The following HERC2 variants were observed in gnomAD, a reference collection of about 807,000 sequenced individuals.
The protein encoded by HERC2 is HECT and RLD domain containing E3 ubiquitin protein ligase 2, also known as E3 ubiquitin-protein ligase HERC2.
A neutral mutation model predicts 537.7 loss-of-function variants in HERC2; 102 were observed. The ratio of observed to expected loss-of-function variants is 0.19; its 90% CI spans 0.16 to 0.22. The LOEUF (loss-of-function observed/expected upper bound fraction) is 0.22, where lower values mean the gene tolerates loss of function less well. Ranked by LOEUF, HERC2 falls within the 10% of genes least tolerant of loss-of-function variation. HERC2 has a pLI of 1.00. For synonymous variants in HERC2, 2,224 were observed against 2,466.2 expected (o/e 0.90, Z 2.91); for missense variants, 4,236 against 6,198.2 (o/e 0.68, Z 10.63).
chr15:28,131,027 G>C (rs1890054021), intron 81 of HERC2, among the ~76,000 whole-genome samples: 1 of 152,140 alleles, frequency 6.6e-6, no homozygotes, highest in South Asian at 2.1e-4. Context: ...AAAGCACTGG[G>C]CCCCACCCAC....
At chr15:28,277,962 T>C (rs1313876152) in intron 5 of HERC2, among the ~76,000 whole-genome samples, 2 of 151,982 alleles carry the variant, frequency 1.3e-5, no homozygotes, top group Non-Finnish European at 2.9e-5. Flanking sequence ...CCAGTATAAT[T>C]TAAATCATCT....
At chr15:28,143,058 T>G in intron 74 of HERC2, 106 bp from the exon 75 acceptor site, 1 of 886,458 alleles carries the variant, frequency 1.1e-6, no homozygotes, top group South Asian at 3.1e-5. Flanking sequence ...CTAACTCTTC[T>G]AAAAAAACTA....
At chr15:28,137,831 TAGTG>T (rs1352428150) in intron 78 of HERC2, among the ~76,000 whole-genome samples, 1 of 152,198 alleles carries the variant, frequency 6.6e-6, no homozygotes, top group Non-Finnish European at 1.5e-5. Context: ...TGATTAAGAT[TAGTG>T]AGTAAGGCAC....
intron 78 of HERC2, among the ~76,000 whole-genome samples, chr15:28,140,058 ACT>A (rs1287684253): frequency 6.6e-6 from 1 of 151,084 alleles, no homozygotes; most frequent in Non-Finnish European, 1.5e-5. Context: ...ACAGAGTGAG[ACT>A]CTGTCTCAAA....
chr15:28,282,971 T>TGGGAC (rs1264513708), intron 4 of HERC2, among the ~76,000 whole-genome samples: 1 of 121,920 alleles, frequency 8.2e-6, no homozygotes, highest in Non-Finnish European at 1.6e-5. Flanking sequence ...CAGGAAGGGA[T>TGGGAC]GGGACGGGAC....
chr15:28,214,679 A>G lies in HERC2; in HGVS notation c.6334T>C (p.Ser2112Pro), dbSNP rs1467188538. The change falls in exon 40 of 93, where the codon TCC becomes CCC. Residue 2112 changes from serine (S) to proline (P), a missense_variant. Coordinates refer to ENST00000261609, the MANE Select transcript of HERC2 (RefSeq NM_004667.6). ...CCTCTGAGTAATGGCACGTCAGAGG[A>G]GCAGGTAGTGAGCAAGCTTCCCAAG... ...DFLGSLLTTC[S>P]SDVPLLREST... 1.2e-6 allele frequency: 2 copies of G among 1,611,900 alleles called. No homozygotes were observed.
Position 28,191,197 on chromosome 15 carries a change from T to A in HERC2, c.8499A>T (p.Leu2833Phe). Residue 2833 changes from leucine to phenylalanine, a missense_variant, in exon 54 of 93, where the codon TTA becomes TTT. Physicochemically the swap from Leu to Phe is conservative, Grantham distance 22. Coordinates refer to ENST00000261609, the MANE Select transcript of HERC2 (RefSeq NM_004667.6). ...EIFPDVLVHR[L>F]KMIVDPADSS... ...TGTCAGCAGGATCTACGATCATTTT[T>A]AATCTATGAACAAGAACATCTGGGA... 6.2e-7 allele frequency: 1 copy of A among 1,613,996 alleles called. No homozygotes were observed. Among genetic ancestry groups the A allele is most frequent in the Non-Finnish European group, 8.5e-7 (1 of 1,179,926 alleles).
intron 2 of HERC2, among the ~76,000 whole-genome samples, chr15:28,318,590 T>A (rs538720545): frequency 1.8e-3 from 269 of 151,186 alleles, no homozygotes; most frequent in African/African-American, 6.4e-3. Context: ...ACCACTGCAC[T>A]CCAGCCTGGG....
At chr15:28,308,794 G>A (rs1162639929) in intron 2 of HERC2, among the ~76,000 whole-genome samples, 1 of 152,180 alleles carries the variant, frequency 6.6e-6, no homozygotes, top group Non-Finnish European at 1.5e-5. Flanking sequence ...TTTCAGCATC[G>A]ATTGAAATAA....
At chr15:28,117,193 G>A (rs372606458) in intron 86 of HERC2, 39 bp from the exon 87 acceptor site, 46 of 1,601,624 alleles carry the variant, frequency 2.9e-5, no homozygotes, top group Admixed American at 1.2e-4. Flanking sequence ...GGCCGCTGCC[G>A]CAGCAGGAAG....
chr15:28,245,427 G>A (rs1437751352), intron 23 of HERC2, among the ~76,000 whole-genome samples: 2 of 151,870 alleles, frequency 1.3e-5, no homozygotes, highest in East Asian at 1.9e-4. Context: ...TGCACCTGTG[G>A]TGCCAGCTAC....
chr15:28,212,149 G>T (rs1302774363), intron 43 of HERC2, among the ~76,000 whole-genome samples: 1 of 152,206 alleles, frequency 6.6e-6, no homozygotes, highest in Admixed American at 6.5e-5. Context: ...GGGATGGAGA[G>T]GAGGAGGGAA....
At position 28,254,516 on chromosome 15, in the gene HERC2, A is replaced by G. The variant is rs1231989191; in HGVS notation, c.2874T>C (p.Asp958=). ...TCTGTGCTTCTTTTTTGGCTTCAAT[A>G]TCCTGTAATTCATAAAAAGAAATTG... ...LHAAITAEIQ[D]IEAKKEAQKE... is the part of the protein sequence containing the mutation. Residue 958 remains aspartate (D), a splice_region_variant and synonymous_variant, in exon 20 of 93, where the codon GAT becomes GAC. Coordinates refer to ENST00000261609, the MANE Select transcript of HERC2 (RefSeq NM_004667.6). 1.3e-6 allele frequency: 2 copies of G among 1,583,828 alleles called. No homozygotes were observed. The highest frequency in any genetic ancestry group is 1.9e-5 in the Admixed American group (1 of 51,766).
At chr15:28,246,647 G>A in intron 22 of HERC2, 95 bp downstream of exon 22, 1 of 1,089,510 alleles carries the variant, frequency 9.2e-7, no homozygotes, top group South Asian at 2.0e-5. Context: ...AAAATTTAGA[G>A]AGTAAATGCA....
chr15:28,163,315 T>C (rs1252014939), intron 68 of HERC2, 30 bp from the exon 69 acceptor site: 1 of 1,593,632 alleles, frequency 6.3e-7, no homozygotes, highest in Non-Finnish European at 8.6e-7. Flanking sequence ...ACAATTAACA[T>C]GAGGAATGAT....
Position 28,271,617 on chromosome 15 carries a change from C to T in HERC2, c.1083+598G>A, listed in dbSNP as rs550369229. Among the ~76,000 whole-genome samples, 20 of 151,956 alleles carry T rather than the reference C, an allele frequency of 1.3e-4. No individual in the cohort carries two copies. The South Asian group carries it at 1.7e-3, about 13-fold the overall frequency. ...CCAGGAGGCCCAGCTTGCAGTGAGC[C>T]GAGATCACGCCACTGCACTCCAGCC... is the stretch of plus-strand genomic sequence containing the variant. On this transcript the variant is annotated intron_variant, in intron 9 of 92. Coordinates refer to ENST00000261609, the MANE Select transcript of HERC2 (RefSeq NM_004667.6).
intron 79 of HERC2, among the ~76,000 whole-genome samples, chr15:28,134,057 G>A (rs1018676893): frequency 1.3e-5 from 2 of 152,184 alleles, no homozygotes; most frequent in African/African-American, 4.8e-5. Context: ...ATAGATTTGA[G>A]GATAGCCAGC....
intron 86 of HERC2, among the ~76,000 whole-genome samples, chr15:28,120,100 A>ATT (rs1566912454): frequency 6.6e-6 from 1 of 152,218 alleles, no homozygotes; most frequent in Non-Finnish European, 1.5e-5. Flanking sequence ...CCTACAAGCT[A>ATT]TAATGTTTAT....
intron 4 of HERC2, among the ~76,000 whole-genome samples, chr15:28,284,690 A>G (rs537350896): frequency 6.6e-6 from 1 of 152,236 alleles, no homozygotes; most frequent in African/African-American, 2.4e-5. Context: ...TGGGAGGCCA[A>G]GGTGGGTGGA....
Sources: allele counts gnomAD v4.1 joint callset (sites outside exome capture counted in the v4.1 genomes callset), GRCh38; gene constraint gnomAD v4.1.1; transcripts MANE v1.5; gene names NCBI Gene and HGNC (gene_info 2026-07-23, HGNC 2026-07-21).